The following NLGN1 variants were observed in gnomAD, a reference collection of about 807,000 sequenced individuals.
The protein encoded by NLGN1 is neuroligin-1.
In NLGN1, 12 loss-of-function variants were observed where a neutral mutation model predicts 65.5. That is an observed-to-expected ratio of 0.18 (90% CI 0.12 to 0.30). NLGN1 has a LOEUF of 0.30. Ranked by LOEUF, NLGN1 falls within the 10% of genes least tolerant of loss-of-function variation. The pLI, the probability that NLGN1 is intolerant of heterozygous loss-of-function variation, is 1.00. For missense variants in NLGN1, 750 were observed against 1,007.1 expected, an observed-to-expected ratio of 0.74 and a Z score of 3.46; for synonymous variants, 350 against 359.5, an observed-to-expected ratio of 0.97 and a Z score of 0.30.
At chr3:174,259,451 CTT>C (rs931698775) in intron 4 of NLGN1, among the ~76,000 whole-genome samples, 7 of 151,194 alleles carry the variant, frequency 4.6e-5, no homozygotes, top group African/African-American at 1.7e-4. Flanking sequence ...TTTCTACTCT[CTT>C]TTTTCGATAG....
At chr3:173,747,803 T>TCTTC (rs1203535592) in intron 3 of NLGN1, among the ~76,000 whole-genome samples, 516 of 46,068 alleles carry the variant, frequency 0.011, 11 homozygotes, top group East Asian at 0.031. Flanking sequence ...TTCTTGTTCT[T>TCTTC]TTTTTTTTTT....
At chr3:174,104,668 C>T (rs1002977579) in intron 4 of NLGN1, among the ~76,000 whole-genome samples, 1 of 151,946 alleles carries the variant, frequency 6.6e-6, no homozygotes, top group Non-Finnish European at 1.5e-5. Flanking sequence ...TGTTCTAACT[C>T]GAGACAAAAA....
intron 2 of NLGN1, among the ~76,000 whole-genome samples, chr3:173,541,315 T>G (rs978860456): frequency 3.3e-5 from 5 of 152,168 alleles, no homozygotes; most frequent in African/African-American, 1.2e-4. Flanking sequence ...AAATTATATT[T>G]GTGTCATTAT....
At chr3:173,952,740 A>T (rs1338839230) in intron 4 of NLGN1, among the ~76,000 whole-genome samples, 4 of 148,182 alleles carry the variant, frequency 2.7e-5, no homozygotes, top group Non-Finnish European at 6.0e-5. Context: ...TTATTTTTTT[A>T]TCTTACTACT....
At chr3:173,449,158 G>C (rs890299987) in intron 2 of NLGN1, among the ~76,000 whole-genome samples, 2 of 151,894 alleles carry the variant, frequency 1.3e-5, no homozygotes, top group Non-Finnish European at 2.9e-5. Context: ...TGATGTTAGG[G>C]TGTCAATTTT....
chr3:174,160,835 T>C (rs1349960029), intron 4 of NLGN1, among the ~76,000 whole-genome samples: 1 of 151,672 alleles, frequency 6.6e-6, no homozygotes, highest in Admixed American at 6.6e-5. Context: ...TTATTGACCA[T>C]AGTCACTCTG....
At chr3:174,177,020 T>C (rs1006359816) in intron 4 of NLGN1, among the ~76,000 whole-genome samples, 34 of 151,912 alleles carry the variant, frequency 2.2e-4, no homozygotes, top group Non-Finnish European at 4.6e-4. Context: ...ATCTGACAAA[T>C]TGAACATTTA....
At chr3:174,193,140 A>G (rs1336285566) in intron 4 of NLGN1, among the ~76,000 whole-genome samples, 1 of 152,196 alleles carries the variant, frequency 6.6e-6, no homozygotes, top group Non-Finnish European at 1.5e-5. Context: ...TAAAGGTGAC[A>G]TATAACAGTT....
intron 4 of NLGN1, among the ~76,000 whole-genome samples, chr3:174,113,819 T>C (rs1198391513): frequency 1.3e-5 from 2 of 152,182 alleles, no homozygotes; most frequent in Non-Finnish European, 2.9e-5. Flanking sequence ...GTCAAGTTTT[T>C]ATTTATCACT....
chr3:173,983,346 G>A (rs1719180980), intron 4 of NLGN1, among the ~76,000 whole-genome samples: 1 of 152,148 alleles, frequency 6.6e-6, no homozygotes, highest in African/African-American at 2.4e-5. Context: ...TATTGAGTTG[G>A]ATATATGGGC....
intron 3 of NLGN1, among the ~76,000 whole-genome samples, chr3:173,712,195 TTTAG>T (rs1051840216): frequency 6.6e-6 from 1 of 152,206 alleles, no homozygotes; most frequent in African/African-American, 2.4e-5. Context: ...TTGTTTTGCT[TTTAG>T]TTAGTTCATG....
chr3:173,796,069 C>G (rs1047801299), intron 3 of NLGN1, among the ~76,000 whole-genome samples: 1 of 152,060 alleles, frequency 6.6e-6, no homozygotes. Context: ...TTTTCTAAGT[C>G]GGGAGCTAAT....
intron 4 of NLGN1, among the ~76,000 whole-genome samples, chr3:174,113,320 A>T (rs1715653851): frequency 6.6e-6 from 1 of 152,008 alleles, no homozygotes. Flanking sequence ...CAATAACCTA[A>T]CAGTGATTTT....
intron 4 of NLGN1, among the ~76,000 whole-genome samples, chr3:174,032,397 G>C (rs1730202325): frequency 6.6e-6 from 1 of 152,112 alleles, no homozygotes; most frequent in African/African-American, 2.4e-5. Flanking sequence ...TTTTTTCTAA[G>C]CTCTTTAGGT....
At chr3:173,611,997 C>A (rs921827551) in intron 3 of NLGN1, among the ~76,000 whole-genome samples, 2 of 151,804 alleles carry the variant, frequency 1.3e-5, no homozygotes, top group African/African-American at 4.8e-5. Flanking sequence ...AATTAGAATG[C>A]AATGGTTTTT....
intron 2 of NLGN1, among the ~76,000 whole-genome samples, chr3:173,465,099 G>A (rs942846364): frequency 1.1e-4 from 16 of 152,206 alleles, no homozygotes; most frequent in African/African-American, 2.6e-4. Flanking sequence ...GGCATTTCTC[G>A]CAGAGGAATT....
chr3:173,580,610 A>T (rs1746246375), intron 2 of NLGN1, among the ~76,000 whole-genome samples: 1 of 152,038 alleles, frequency 6.6e-6, no homozygotes, highest in Admixed American at 6.5e-5. Flanking sequence ...CCTCTCTGTC[A>T]GTAAATCACC....
intron 4 of NLGN1, among the ~76,000 whole-genome samples, chr3:174,081,146 A>G (rs1165404149): frequency 3.3e-5 from 5 of 152,154 alleles, no homozygotes; most frequent in Admixed American, 2.6e-4. Flanking sequence ...ACACTTACCC[A>G]TGACTTATAA....
intron 4 of NLGN1, among the ~76,000 whole-genome samples, chr3:174,066,208 C>A (rs1397276855): frequency 1.3e-5 from 2 of 152,026 alleles, no homozygotes; most frequent in Admixed American, 6.6e-5. Flanking sequence ...CTCACTAATA[C>A]AAATTTTCAG....
Sources: allele counts gnomAD v4.1 joint callset (sites outside exome capture counted in the v4.1 genomes callset), GRCh38; gene constraint gnomAD v4.1.1; transcripts MANE v1.5; gene names NCBI Gene and HGNC (gene_info 2026-07-23, HGNC 2026-07-21).